The following METTL16 variants were observed in gnomAD, a reference collection of about 807,000 sequenced individuals.
METTL16 encodes RNA N(6)-adenosine-methyltransferase METTL16.
METTL16 carries 19 observed loss-of-function variants against 57.9 expected under a neutral mutation model. The ratio of observed to expected loss-of-function variants is 0.33; its 90% confidence interval spans 0.23 to 0.48. METTL16 has a LOEUF of 0.48. Ranked by LOEUF, METTL16 falls within the 20% of genes least tolerant of loss-of-function variation. The probability of loss-of-function intolerance (pLI) is 0.99; values close to 1 mark genes in which losing one functional copy is unlikely to be tolerated. For synonymous variants in METTL16, 246 were observed against 255.6 expected (o/e 0.96, Z 0.36); for missense variants, 434 against 691.5 (o/e 0.63, Z 4.18).
intron 8 of METTL16, chr17:2,424,189 C>T (rs2151540940): frequency 6.7e-6 from 1 of 150,234 alleles, no homozygotes; most frequent in Non-Finnish European, 1.5e-5. Context: ...TCTCGGCTCA[C>T]TGCAAGCTCC....
chr17:2,507,150 G>A (rs1408403158), intron 1 of METTL16, among the ~76,000 whole-genome samples: 4 of 150,116 alleles, frequency 2.7e-5, no homozygotes, highest in African/African-American at 7.4e-5. Context: ...CCCCTACTGC[G>A]AAGTGAGGAG....
At chr17:2,491,126 A>G (rs2067385094) in intron 2 of METTL16, among the ~76,000 whole-genome samples, 1 of 152,220 alleles carries the variant, frequency 6.6e-6, no homozygotes, top group Admixed American at 6.5e-5. Context: ...TGGGACATTC[A>G]AAAAACCTGA....
chr17:2,482,005 G>A (rs1249755385), intron 2 of METTL16, among the ~76,000 whole-genome samples: 1 of 152,132 alleles, frequency 6.6e-6, no homozygotes, highest in Non-Finnish European at 1.5e-5. Context: ...TGACTACAAA[G>A]CCCTTAGAGG....
intron 6 of METTL16, among the ~76,000 whole-genome samples, chr17:2,454,798 T>C (rs2067097150): frequency 6.6e-6 from 1 of 151,946 alleles, no homozygotes; most frequent in African/African-American, 2.4e-5. Flanking sequence ...TCCCGACCTC[T>C]GGTGATCTGC....
chr17:2,457,281 T>C (rs974515461), intron 6 of METTL16, among the ~76,000 whole-genome samples: 2 of 129,944 alleles, frequency 1.5e-5, no homozygotes, highest in African/African-American at 6.1e-5. Flanking sequence ...GAGGTTGCAG[T>C]GAGCCGAGAT....
chr17:2,456,505 C>T lies in METTL16; in HGVS notation c.728+7703G>A, dbSNP rs528629279. On this transcript the variant is annotated intron_variant, in intron 6 of 9. Transcript: ENST00000263092. ...TGACTGATTGACTGAGACAGGGTCT[C>T]GTTCTGTTGCCCCGGTTGGAGTGCA... 5.3e-5 allele frequency among the ~76,000 whole-genome samples: 8 copies of T among 152,272 alleles called. No homozygotes were observed. The South Asian group carries it at 8.3e-4, about 16-fold the overall frequency.
chr17:2,439,861 T>C (rs1238578670), intron 7 of METTL16, among the ~76,000 whole-genome samples: 1 of 151,802 alleles, frequency 6.6e-6, no homozygotes, highest in East Asian at 1.9e-4. Flanking sequence ...AGTTTTAGAG[T>C]ATAAAGAAAA....
At chr17:2,490,682 T>C (rs1545274) in intron 2 of METTL16, among the ~76,000 whole-genome samples, 141,366 of 152,230 alleles carry the variant, frequency 0.93, 65,734 homozygotes, top group African/African-American at 0.95. Context: ...ATCTGCTCTC[T>C]GTAACACAGT....
At chr17:2,455,433 T>C (rs1193904845) in intron 6 of METTL16, among the ~76,000 whole-genome samples, 1 of 152,144 alleles carries the variant, frequency 6.6e-6, no homozygotes, top group Non-Finnish European at 1.5e-5. Flanking sequence ...TACATGCTTG[T>C]TGATTTTAAG....
intron 2 of METTL16, among the ~76,000 whole-genome samples, chr17:2,481,826 C>A (rs1302220649): frequency 6.8e-6 from 1 of 147,934 alleles, no homozygotes; most frequent in African/African-American, 2.5e-5. Context: ...GAAATACCAA[C>A]ACCTAAAAAA....
chr17:2,502,394 G>C (rs1228130772), intron 1 of METTL16, 63 bp from the exon 2 acceptor site: 9 of 1,535,042 alleles, frequency 5.9e-6, no homozygotes, highest in Non-Finnish European at 7.1e-6. Context: ...ATGGGGGCCG[G>C]GTGCGGTGCC....
chr17:2,451,251 G>C (rs1365125474), intron 6 of METTL16, among the ~76,000 whole-genome samples: 1 of 152,034 alleles, frequency 6.6e-6, no homozygotes. Context: ...ACAAACCCCG[G>C]TAAAGTTATT....
At chr17:2,454,542 T>C (rs2151558433) in intron 6 of METTL16, among the ~76,000 whole-genome samples, 1 of 151,272 alleles carries the variant, frequency 6.6e-6, no homozygotes, top group South Asian at 2.1e-4. Context: ...TTGACATGGA[T>C]AAGACTATAT....
At chr17:2,473,801 T>C in intron 3 of METTL16, 137 bp from the exon 4 acceptor site, 3 of 852,064 alleles carry the variant, frequency 3.5e-6, no homozygotes, top group Non-Finnish European at 5.1e-6. Flanking sequence ...TGCAGTGGTG[T>C]GATCACGGTT....
intron 6 of METTL16, among the ~76,000 whole-genome samples, chr17:2,443,660 T>TA (rs961022548): frequency 3.9e-5 from 6 of 152,012 alleles, no homozygotes; most frequent in East Asian, 1.9e-4. Flanking sequence ...CTATTTTTTT[T>TA]TTATTATTAT....
rs545866438 is a variant in METTL16 at position 2,492,168 on chromosome 17, G to A, written c.128+10036C>T. 1.1e-4 allele frequency among the ~76,000 whole-genome samples: 17 copies of A among 152,052 alleles called. 1 individual carries two copies. The highest frequency in any genetic ancestry group is 2.2e-4 in the African/African-American group (9 of 41,500). On this transcript the variant is annotated intron_variant, in intron 2 of 9. Coordinates refer to ENST00000263092, the MANE Select transcript of METTL16 (RefSeq NM_024086.4). ...GGAGCTTGCAGTGAGCCGAGATTGCGCCACTGCACTCCAGCCTGGGCGACA... is the reference window on the plus strand; with the variant it reads ...GGAGCTTGCAGTGAGCCGAGATTGCACCACTGCACTCCAGCCTGGGCGACA...
At chr17:2,465,600 T>C (rs985857070) in intron 5 of METTL16, among the ~76,000 whole-genome samples, 2 of 145,736 alleles carry the variant, frequency 1.4e-5, no homozygotes, top group Admixed American at 6.9e-5. Flanking sequence ...TGGTGGCTCA[T>C]GCCTGTAATC....
chr17:2,447,340 C>A (rs1278480793), intron 6 of METTL16, among the ~76,000 whole-genome samples: 6 of 140,396 alleles, frequency 4.3e-5, no homozygotes, highest in Admixed American at 6.7e-5. Context: ...AACCCTCTGC[C>A]TGGCAACCGC....
intron 6 of METTL16, among the ~76,000 whole-genome samples, chr17:2,460,790 CA>C (rs2067144447): frequency 1.3e-5 from 2 of 150,368 alleles, no homozygotes; most frequent in Admixed American, 1.3e-4. Flanking sequence ...GAGGCTGAGG[CA>C]GGAGAATCAC....
Sources: allele counts gnomAD v4.1 joint callset (sites outside exome capture counted in the v4.1 genomes callset), GRCh38; gene constraint gnomAD v4.1.1; transcripts MANE v1.5; gene names NCBI Gene and HGNC (gene_info 2026-07-23, HGNC 2026-07-21).